The following USP45 variants were observed in gnomAD, a reference collection of about 807,000 sequenced individuals.
USP45 encodes ubiquitin specific peptidase 45, also known as ubiquitin carboxyl-terminal hydrolase 45.
A neutral mutation model predicts 95.8 loss-of-function variants in USP45; 89 were observed. That is an observed-to-expected ratio of 0.93 (90% CI 0.78 to 1.11). The LOEUF (loss-of-function observed/expected upper bound fraction) is 1.11, where lower values mean the gene tolerates loss of function less well. Ranked by LOEUF, USP45 falls within the 50% of genes least tolerant of loss-of-function variation. The pLI, the probability that USP45 is intolerant of heterozygous loss-of-function variation, is 0.00. For synonymous variants in USP45, 281 were observed against 316.2 expected (o/e 0.89, Z 1.18); for missense variants, 898 against 942.5 (o/e 0.95, Z 0.62).
At chr6:99,472,621 G>C (rs1005167037) in intron 9 of USP45, among the ~76,000 whole-genome samples, 4 of 152,036 alleles carry the variant, frequency 2.6e-5, no homozygotes, top group Non-Finnish European at 2.9e-5. Context: ...TGATAAATCT[G>C]AATTAATCTT....
Position 99,434,093 on chromosome 6 carries a change from GATT to G in USP45, c.*1620_*1622del, listed in dbSNP as rs2128513648. ...AGATTAACTTAAAGATATATTTCTT[GATT>G]ATTTCACTGTTAAAAATCAAGAAAA... On this transcript the variant is annotated 3_prime_UTR_variant, in exon 18 of 18. Transcript: ENST00000500704. The G allele has an allele frequency of 1.3e-5, 2 of 152,188 alleles. 1 individual carries two copies. The highest frequency in any genetic ancestry group is 4.1e-4 in the South Asian group (2 of 4,822). The allele number at this position is 152,188 out of a possible 1,614,324, so 9.4% of individuals were successfully genotyped here.
In USP45 at chr6:99,446,264, G is replaced by C; in HGVS notation, c.1508C>G (p.Ala503Gly). The C allele has an allele frequency of 6.2e-7, 1 of 1,614,206 alleles. No homozygotes were observed. Among genetic ancestry groups the C allele is most frequent in the Non-Finnish European group, 8.5e-7 (1 of 1,180,038 alleles). The change falls in exon 14 of 18, where the codon GCT (alanine) becomes GGT (glycine). Residue 503 changes from alanine to glycine, a missense_variant. Transcript: ENST00000500704. ...TTCAGATTCTGAAGGCTCACTGTCA[G>C]CATCAACATTGCTTTCAGAATGGCT... ...EASHSESNVD[A>G]DSEPSESESA...
At chr6:99,516,106 C>T (rs1028805214), upstream of USP45, among the ~76,000 whole-genome samples, 1 of 150,580 alleles carries the variant, frequency 6.6e-6, no homozygotes, top group African/African-American at 2.5e-5. Flanking sequence ...GCCCCCTGAA[C>T]TCTTAAAGTC....
At chr6:99,466,526 G>A in intron 11 of USP45, 146 bp downstream of exon 11, 2 of 644,094 alleles carry the variant, frequency 3.1e-6, no homozygotes. Context: ...TAGGAGTGTA[G>A]CGTATAAAAA....
At chr6:99,456,090 G>A (rs542040877) in intron 13 of USP45, among the ~76,000 whole-genome samples, 13 of 140,934 alleles carry the variant, frequency 9.2e-5, no homozygotes, top group South Asian at 6.8e-4. Flanking sequence ...CCAAGATCGC[G>A]CCACTGTACT....
chr6:99,458,943 A>C (rs189007709), intron 13 of USP45, among the ~76,000 whole-genome samples: 1 of 152,230 alleles, frequency 6.6e-6, no homozygotes, highest in East Asian at 1.9e-4. Context: ...CCAGATGCAT[A>C]TAAGTCACAG....
intron 4 of USP45, among the ~76,000 whole-genome samples, chr6:99,506,616 T>G (rs1798583131): frequency 6.6e-6 from 1 of 152,186 alleles, no homozygotes; most frequent in South Asian, 2.1e-4. Context: ...ACAAAAAACT[T>G]GTTTTAGTAC....
chr6:99,484,147 G>C (rs1793224054), intron 7 of USP45, among the ~76,000 whole-genome samples: 1 of 149,286 alleles, frequency 6.7e-6, no homozygotes, highest in African/African-American at 2.5e-5. Flanking sequence ...AAATTACAGA[G>C]GACTCAAGAC....
In USP45 at chr6:99,434,191, A is replaced by G. The variant is rs1780116995; in HGVS notation, c.*1525T>C. 6.6e-6 allele frequency: 1 copy of G among 152,076 alleles called. No homozygotes were observed. Among genetic ancestry groups the G allele is most frequent in the Non-Finnish European group, 1.5e-5 (1 of 67,976 alleles). The allele number at this position is 152,076 out of a possible 1,614,324, so 9.4% of individuals were successfully genotyped here. On this transcript the variant is annotated 3_prime_UTR_variant, in exon 18 of 18. Coordinates refer to ENST00000500704, the MANE Select transcript of USP45 (RefSeq NM_001346022.3). Reference sequence around the variant, plus strand: ...GACATTTTTAAGCTCTGCATTTTGTATACTATTACCGTCTTTAATTACAGT... The same window carrying G: ...GACATTTTTAAGCTCTGCATTTTGTGTACTATTACCGTCTTTAATTACAGT...
intron 14 of USP45, among the ~76,000 whole-genome samples, chr6:99,445,498 A>G (rs955769163): frequency 1.6e-4 from 24 of 151,930 alleles, no homozygotes; most frequent in Non-Finnish European, 2.4e-4. Flanking sequence ...AAAAAAAAAA[A>G]AGTTGTAGGG....
chr6:99,444,550 C>T (rs1782122107), intron 14 of USP45, among the ~76,000 whole-genome samples: 1 of 152,120 alleles, frequency 6.6e-6, no homozygotes, highest in Non-Finnish European at 1.5e-5. Context: ...ATCCAGAGCC[C>T]AGAGCGCATA....
intron 11 of USP45, among the ~76,000 whole-genome samples, 156 bp downstream of exon 11, chr6:99,466,515 CT>C (rs1208468074): frequency 2.6e-5 from 4 of 152,150 alleles, no homozygotes; most frequent in Non-Finnish European, 5.9e-5. Context: ...CATTTACTTT[CT>C]AGGAGTGTAG....
chr6:99,474,773 G>T (rs899124827), intron 9 of USP45, among the ~76,000 whole-genome samples: 1 of 152,202 alleles, frequency 6.6e-6, no homozygotes, highest in African/African-American at 2.4e-5. Flanking sequence ...GAGTAAGAGG[G>T]AGGAAAATGG....
Position 99,443,559 on chromosome 6 carries a change from A to AG in USP45, c.2073+5_2073+6insC. On this transcript the variant is annotated splice_donor_region_variant and intron_variant, in intron 15 of 17. Coordinates refer to ENST00000500704, the MANE Select transcript of USP45 (RefSeq NM_001346022.3). ...TGAAAATTATGGTGCTACTGAAGAA[A>AG]CTTACCTGATGAAATCTTTTCAGGT... is the stretch of plus-strand genomic sequence containing the variant. 1 of 1,598,616 alleles carries AG rather than the reference A, an allele frequency of 6.3e-7. No homozygotes were observed.
intron 8 of USP45, among the ~76,000 whole-genome samples, chr6:99,479,532 T>C (rs1320372037): frequency 6.6e-6 from 1 of 151,436 alleles, no homozygotes; most frequent in Admixed American, 6.6e-5. Context: ...GTACAATTTA[T>C]TTTATGTCAC....
chr6:99,436,072 A>T (rs1780421751), intron 17 of USP45, among the ~76,000 whole-genome samples: 2 of 151,758 alleles, frequency 1.3e-5, no homozygotes, highest in Admixed American at 1.3e-4. Context: ...TTACATAGGT[A>T]TACATGTGCC....
At chr6:99,485,300 G>A (rs1341915828) in intron 7 of USP45, among the ~76,000 whole-genome samples, 1 of 151,878 alleles carries the variant, frequency 6.6e-6, no homozygotes, top group East Asian at 1.9e-4. Context: ...AGCCGAGATC[G>A]TGCCACTGCA....
At chr6:99,509,763 G>A (rs1476548762) in intron 2 of USP45, among the ~76,000 whole-genome samples, 1 of 151,824 alleles carries the variant, frequency 6.6e-6, no homozygotes, top group Non-Finnish European at 1.5e-5. Flanking sequence ...TATTTATGCA[G>A]AAAACAGTAA....
At chr6:99,486,832 TACAC>T (rs950462515) in intron 7 of USP45, among the ~76,000 whole-genome samples, 10 of 151,314 alleles carry the variant, frequency 6.6e-5, no homozygotes, top group South Asian at 2.1e-4. Flanking sequence ...CTTACACACT[TACAC>T]ACACACACAA....
Sources: gnomAD v4.1 joint callset for allele counts (sites outside exome capture counted in the v4.1 genomes callset) on GRCh38, gnomAD v4.1.1 for gene constraint, MANE v1.5 for transcripts, NCBI Gene and HGNC (gene_info 2026-07-23, HGNC 2026-07-21) for gene names.